The following GALC variants were observed in gnomAD, a reference collection of about 807,000 sequenced individuals.
GALC encodes galactosylceramidase.
A neutral mutation model predicts 91.8 loss-of-function variants in GALC; 77 were observed. The ratio of observed to expected loss-of-function variants is 0.84; its 90% CI spans 0.70 to 1.01. GALC has a LOEUF of 1.01. Ranked by LOEUF, GALC falls within the 50% of genes least tolerant of loss-of-function variation. GALC has a pLI of 0.00. For missense variants in GALC, 882 were observed against 855.9 expected (o/e 1.03, Z -0.38); for synonymous variants, 357 against 306.7 (o/e 1.16, Z -1.71).
chr14:87,952,190 C>G (rs1321412794), intron 10 of GALC, among the ~76,000 whole-genome samples: 1 of 151,558 alleles, frequency 6.6e-6, no homozygotes, highest in Non-Finnish European at 1.5e-5. Context: ...AAACCAAAAG[C>G]TGATTCTTCG....
chr14:87,935,716 G>A (rs1292319776), intron 16 of GALC, among the ~76,000 whole-genome samples: 1 of 152,040 alleles, frequency 6.6e-6, no homozygotes. Context: ...ACTCTCAGAA[G>A]GTGAAGAGCT....
intron 7 of GALC, among the ~76,000 whole-genome samples, chr14:87,974,851 C>T (rs1886431094): frequency 6.6e-6 from 1 of 151,422 alleles, no homozygotes; most frequent in Non-Finnish European, 1.5e-5. Flanking sequence ...TAAAGCAGTA[C>T]TCAGAGGAAA....
At chr14:87,993,402 G>T (rs1346853819), upstream of GALC, 4 of 1,535,840 alleles carry the variant, frequency 2.6e-6, no homozygotes, top group South Asian at 4.8e-5. Context: ...CTCTTCCGGC[G>T]TCACCTGGTG....
chr14:87,979,987 G>A (rs1340924732), intron 6 of GALC, among the ~76,000 whole-genome samples: 1 of 151,846 alleles, frequency 6.6e-6, no homozygotes, highest in East Asian at 1.9e-4. Context: ...ACTCCCATCA[G>A]CATACTTCAA....
chr14:87,993,186 G>GCGCCCAGGGAGGCGGGTCCCGT, upstream of GALC: 1 of 1,573,658 alleles, frequency 6.4e-7, no homozygotes, highest in Non-Finnish European at 8.6e-7. Flanking sequence ...CATGACTCCG[G>GCGCCCAGGGAGGCGGGTCCCGT]CGCCCAGGGA....
intron 1 of GALC, 196 bp downstream of exon 1, chr14:87,992,774 T>G: frequency 7.1e-7 from 1 of 1,416,042 alleles, no homozygotes; most frequent in South Asian, 1.6e-5. Context: ...CCTGTCTGGT[T>G]CGTGTTAAAC....
chr14:87,941,198 G>C (rs1651100993), intron 15 of GALC, among the ~76,000 whole-genome samples, 197 bp downstream of exon 15: 1 of 151,736 alleles, frequency 6.6e-6, no homozygotes, highest in South Asian at 2.1e-4. Context: ...CCCTTCCACA[G>C]AGCTGCCCCC....
Position 87,933,774 on chromosome 14 carries a change from G to A in GALC, c.*958C>T. On this transcript the variant is annotated 3_prime_UTR_variant, in exon 17 of 17. Coordinates refer to ENST00000261304, the MANE Select transcript of GALC (RefSeq NM_000153.4). ...CGTATATTTAAATATAAACATATTT[G>A]GACTTTAAAAAGTAAGTACATCTTA... 2.0e-6 allele frequency: 1 copy of A among 504,712 alleles called. No homozygotes were observed. Among genetic ancestry groups the A allele is most frequent in the Non-Finnish European group, 3.5e-6 (1 of 284,388 alleles). The allele number at this position is 504,712 out of a possible 1,614,324, so 31.3% of individuals were successfully genotyped here.
chr14:87,942,426 C>G (rs1250694655), intron 14 of GALC, among the ~76,000 whole-genome samples: 2 of 151,994 alleles, frequency 1.3e-5, no homozygotes, highest in Non-Finnish European at 2.9e-5. Context: ...AGTGAGCTCT[C>G]CTCCAGGTTT....
chr14:87,993,169 T>A lies in GALC; in HGVS notation c.-5A>T, dbSNP rs549114352. 2 of 1,587,508 alleles carry A rather than the reference T, an allele frequency of 1.3e-6. No homozygotes were observed. The highest frequency in any genetic ancestry group is 2.3e-5 in the South Asian group (2 of 87,472). ...CGAGAGTAGCCACTCAGCCATTGTG[T>A]GGGTCACATGACTCCGGCGCCCAGG... On this transcript the variant is annotated 5_prime_UTR_variant, in exon 1 of 17. Coordinates refer to ENST00000261304, the MANE Select transcript of GALC (RefSeq NM_000153.4).
intron 6 of GALC, among the ~76,000 whole-genome samples, chr14:87,977,043 G>T (rs78491859): frequency 0.062 from 7,921 of 128,674 alleles, 1,066 homozygotes; most frequent in East Asian, 0.53. Context: ...GGGGGGGGGG[G>T]GATGAAACAA....
Position 87,949,231 on chromosome 14 carries a change from T to G in GALC, c.1338+614A>C, listed in dbSNP as rs777064637. Among the ~76,000 whole-genome samples the G allele has an allele frequency of 1.6e-4, 25 of 151,978 alleles. 1 individual carries two copies. The highest frequency in any genetic ancestry group is 2.5e-4 in the Non-Finnish European group (17 of 67,976). ...AGGTAAATAAACAGGCATGCTATGC[T>G]TTGAAAAATGTAAGTTTAGTATGTG... On this transcript the variant is annotated intron_variant, in intron 12 of 16. Transcript: ENST00000261304.
chr14:87,948,457 T>C (rs417452), intron 12 of GALC, among the ~76,000 whole-genome samples: 145,610 of 152,130 alleles, frequency 0.96, 69,990 homozygotes, highest in Non-Finnish European at 1. Flanking sequence ...ATACATACCT[T>C]ATAGACTGCT....
At chr14:87,970,546 G>A (rs1333153926) in intron 7 of GALC, among the ~76,000 whole-genome samples, 1 of 151,900 alleles carries the variant, frequency 6.6e-6, no homozygotes, top group African/African-American at 2.4e-5. Flanking sequence ...TAAAATCTGG[G>A]TCTTTCTTAA....
intron 1 of GALC, among the ~76,000 whole-genome samples, chr14:87,990,700 G>A (rs1223634924): frequency 6.6e-6 from 1 of 152,184 alleles, no homozygotes; most frequent in South Asian, 2.1e-4. Context: ...ACATTTAACA[G>A]AGAAAGTATC....
chr14:87,954,412 T>C, intron 10 of GALC: 1 of 1,594,932 alleles, frequency 6.3e-7, no homozygotes, highest in South Asian at 1.1e-5. Context: ...TATGGAGTCC[T>C]GGAGCAGCCT....
intron 10 of GALC, among the ~76,000 whole-genome samples, chr14:87,961,321 G>A (rs760247667): frequency 6.6e-6 from 1 of 152,170 alleles, no homozygotes; most frequent in Admixed American, 6.5e-5. Flanking sequence ...AACTGTTAGG[G>A]AGGATGTGGA....
chr14:87,949,545 T>C (rs1234636943), intron 12 of GALC, among the ~76,000 whole-genome samples: 2 of 151,776 alleles, frequency 1.3e-5, no homozygotes, highest in African/African-American at 2.4e-5. Context: ...ACGGTGGTAA[T>C]GGAGAATAAG....
chr14:87,964,924 T>A (rs1885967376), intron 9 of GALC, among the ~76,000 whole-genome samples: 1 of 152,164 alleles, frequency 6.6e-6, no homozygotes, highest in South Asian at 2.1e-4. Flanking sequence ...ACTTTTAAAA[T>A]CTTTTGAGCT....
Sources: allele counts gnomAD v4.1 joint callset (sites outside exome capture counted in the v4.1 genomes callset), GRCh38; gene constraint gnomAD v4.1.1; transcripts MANE v1.5; gene names NCBI Gene and HGNC (gene_info 2026-07-23, HGNC 2026-07-21).